LOC128092252: variants seen among roughly 807,000 people sequenced by gnomAD.
chr15:50,681,512 T>C, the LOC128092252 span, among the ~76,000 whole-genome samples: 12 of 152,176 alleles, frequency 7.9e-5, no homozygotes, highest in Non-Finnish European at 1.5e-4. Context: ...CTAACAGTAA[T>C]AGTCTGCTTC....
At chr15:50,653,774 T>C in the LOC128092252 span, among the ~76,000 whole-genome samples, 1 of 152,110 alleles carries the variant, frequency 6.6e-6, no homozygotes, top group Non-Finnish European at 1.5e-5. Flanking sequence ...AAATCTCACA[T>C]GGGGATTCAC....
the LOC128092252 span, among the ~76,000 whole-genome samples, chr15:50,675,209 G>A: frequency 6.6e-6 from 1 of 152,116 alleles, no homozygotes; most frequent in South Asian, 2.1e-4. Context: ...TGGGCATGGT[G>A]GCGGGCACCT....
At chr15:50,684,761 T>C in the LOC128092252 span, among the ~76,000 whole-genome samples, 12 of 152,194 alleles carry the variant, frequency 7.9e-5, no homozygotes, top group Non-Finnish European at 1.6e-4. Flanking sequence ...GATGGGTTTC[T>C]TTCAACAAAT....
At chr15:50,682,200 AC>A in the LOC128092252 span, among the ~76,000 whole-genome samples, 9,293 of 141,174 alleles carry the variant, frequency 0.066, 441 homozygotes, top group South Asian at 0.1. Flanking sequence ...AAGGACTGTG[AC>A]CTGGCAAAAA....
the LOC128092252 span, among the ~76,000 whole-genome samples, chr15:50,675,266 C>T: frequency 6.6e-6 from 1 of 151,956 alleles, no homozygotes; most frequent in Non-Finnish European, 1.5e-5. Flanking sequence ...TCGACTGAAC[C>T]CAGGACACAG....
the LOC128092252 span, among the ~76,000 whole-genome samples, chr15:50,674,896 G>A: frequency 6.6e-6 from 1 of 152,106 alleles, no homozygotes; most frequent in Non-Finnish European, 1.5e-5. Flanking sequence ...TTTTCCAAGA[G>A]CTGGAAACCA....
chr15:50,669,615 T>C, the LOC128092252 span, among the ~76,000 whole-genome samples: 45 of 152,322 alleles, frequency 3.0e-4, no homozygotes, highest in Non-Finnish European at 5.4e-4. Context: ...CTATAACTTG[T>C]CTTTAGTAAA....
the LOC128092252 span, among the ~76,000 whole-genome samples, chr15:50,680,353 C>T: frequency 6.6e-6 from 1 of 152,036 alleles, no homozygotes; most frequent in Non-Finnish European, 1.5e-5. Flanking sequence ...CCAGCCTGAG[C>T]AACATGCCAA....
the LOC128092252 span, among the ~76,000 whole-genome samples, chr15:50,679,302 T>A: frequency 6.7e-6 from 1 of 149,326 alleles, no homozygotes; most frequent in African/African-American, 2.5e-5. Context: ...GTCACTGCAC[T>A]CTGACATGGG....
chr15:50,679,522 ATATATATATATATATATTTT>A, the LOC128092252 span, among the ~76,000 whole-genome samples: 2 of 23,306 alleles, frequency 8.6e-5, no homozygotes, highest in African/African-American at 2.7e-4. Context: ...ATATATATAT[ATATATATATATATATATTTT>A]TTTTTTTTTT....
At chr15:50,668,815 G>C in the LOC128092252 span, among the ~76,000 whole-genome samples, 5 of 152,028 alleles carry the variant, frequency 3.3e-5, no homozygotes, top group African/African-American at 1.2e-4. Context: ...GCCTACAATA[G>C]ATATTTGTAT....
the LOC128092252 span, among the ~76,000 whole-genome samples, chr15:50,673,524 G>A: frequency 5.3e-5 from 8 of 152,030 alleles, no homozygotes; most frequent in Admixed American, 5.2e-4. Context: ...TATGATGTTT[G>A]GTTTTCCATT....
the LOC128092252 span, among the ~76,000 whole-genome samples, chr15:50,653,882 A>C: frequency 1.2e-4 from 18 of 152,148 alleles, no homozygotes; most frequent in Admixed American, 4.6e-4. Context: ...ACGGGGTCCT[A>C]AAGGTCTGGA....
chr15:50,672,664 C>T, the LOC128092252 span, among the ~76,000 whole-genome samples: 1 of 151,796 alleles, frequency 6.6e-6, no homozygotes, highest in African/African-American at 2.4e-5. Context: ...AACCCCAGCA[C>T]TTTGGGAGGC....
chr15:50,682,357 A>G, the LOC128092252 span, among the ~76,000 whole-genome samples: 2 of 151,188 alleles, frequency 1.3e-5, no homozygotes, highest in Non-Finnish European at 2.9e-5. Context: ...AAAAATCCAG[A>G]GCATGAGGTC....
the LOC128092252 span, among the ~76,000 whole-genome samples, chr15:50,670,129 C>A: frequency 6.6e-6 from 1 of 152,022 alleles, no homozygotes; most frequent in East Asian, 1.9e-4. Context: ...ACACAAGAGA[C>A]CTTAATAGTT....
the LOC128092252 span, among the ~76,000 whole-genome samples, chr15:50,657,217 G>A: frequency 6.6e-6 from 1 of 152,098 alleles, no homozygotes; most frequent in African/African-American, 2.4e-5. Context: ...CCAGCTACTC[G>A]GGAGGCTGAG....
At chr15:50,649,179 G>T in the LOC128092252 span, among the ~76,000 whole-genome samples, 111 of 152,158 alleles carry the variant, frequency 7.3e-4, no homozygotes, top group African/African-American at 2.6e-3. Flanking sequence ...TGGCTCACGC[G>T]GGTAATCCCA....
At chr15:50,674,889 T>C in the LOC128092252 span, among the ~76,000 whole-genome samples, 1 of 152,196 alleles carries the variant, frequency 6.6e-6, no homozygotes, top group South Asian at 2.1e-4. Flanking sequence ...TTGGGTTTTT[T>C]CCAAGAGCTG....
Sources: gnomAD v4.1 joint callset for allele counts (sites outside exome capture counted in the v4.1 genomes callset) on GRCh38, gnomAD v4.1.1 for gene constraint, MANE v1.5 for transcripts.